MBOAT2: variants seen among roughly 807,000 people sequenced by gnomAD.
The protein encoded by MBOAT2 is membrane-bound glycerophospholipid O-acyltransferase 2.
MBOAT2 carries 28 observed loss-of-function variants against 63.4 expected under a neutral mutation model. That is an observed-to-expected ratio of 0.44 (90% CI 0.33 to 0.61). The LOEUF (loss-of-function observed/expected upper bound fraction) is 0.61, where lower values mean the gene tolerates loss of function less well. Ranked by LOEUF, MBOAT2 falls within the 20% of genes least tolerant of loss-of-function variation. MBOAT2 has a pLI of 0.03. For missense variants in MBOAT2, 470 were observed against 605.8 expected, an observed-to-expected ratio of 0.78 and a Z score of 2.35; for synonymous variants, 211 against 215.6, an observed-to-expected ratio of 0.98 and a Z score of 0.19.
Position 8,862,477 on chromosome 2 carries a change from C to A in MBOAT2, c.1185+113G>T. The A allele has an allele frequency of 7.1e-7, 1 of 1,408,826 alleles. No homozygotes were observed. 87.3% of individuals were successfully genotyped at this position (1,408,826 alleles called of 1,614,324 possible). A position where few individuals can be genotyped will look rare whatever the true frequency, so the allele number is the denominator to read the frequency against. On this transcript the variant is annotated intron_variant, in intron 11 of 12. Transcript: ENST00000305997. This position sits in a 1 kb window ranked among gnomAD's most constrained non-coding sequence, Gnocchi z 4.3. ...CACACCTCGCTTCTAGTGGAAAGGA[C>A]AATACTGACCACGACCAAGGAAAGA...
chr2:8,905,298 G>GGA (rs1048489780), intron 4 of MBOAT2, among the ~76,000 whole-genome samples: 5 of 151,866 alleles, frequency 3.3e-5, no homozygotes, highest in African/African-American at 1.2e-4. Context: ...TTCATTAAGG[G>GGA]GAGAGTCTGT....
chr2:8,878,351 A>C (rs535793817), intron 6 of MBOAT2, among the ~76,000 whole-genome samples: 1 of 152,240 alleles, frequency 6.6e-6, no homozygotes, highest in South Asian at 2.1e-4. Context: ...CCTACTGTCC[A>C]CTGTTAATGA....
intron 1 of MBOAT2, among the ~76,000 whole-genome samples, chr2:8,964,166 C>T (rs368827489): frequency 6.6e-6 from 1 of 152,196 alleles, no homozygotes; most frequent in African/African-American, 2.4e-5. Flanking sequence ...CTATTCCTTC[C>T]ACCCCTCCCA....
chr2:8,943,280 G>A lies in MBOAT2; in HGVS notation c.222-16C>T. On this transcript the variant is annotated splice_polypyrimidine_tract_variant and intron_variant, in intron 2 of 12. Transcript: ENST00000305997. ...TAAGGCATACCTATAAAAAGTAAGA[G>A]CACTATTAGAAGAGGGATGCCAAGT... is the stretch of plus-strand genomic sequence containing the variant. The A allele has an allele frequency of 6.6e-7, 1 of 1,505,098 alleles. No individual in the cohort carries two copies. The highest frequency in any genetic ancestry group is 1.3e-5 in the South Asian group (1 of 77,828). The allele number at this position is 1,505,098 out of a possible 1,614,324, so 93.2% of individuals were successfully genotyped here.
intron 3 of MBOAT2, among the ~76,000 whole-genome samples, chr2:8,912,305 AAG>A (rs1347081838): frequency 2.3e-5 from 2 of 88,196 alleles, no homozygotes; most frequent in Admixed American, 2.5e-4. Flanking sequence ...AAAGAAAAGA[AAG>A]AAAGAAAGAA....
rs763623465 is a variant in MBOAT2, at chr2:8,960,094, TG to T, written c.76-1453del. Among the ~76,000 whole-genome samples, 12 of 152,294 alleles carry T rather than the reference TG, an allele frequency of 7.9e-5. No homozygotes were observed. The East Asian group carries it at 1.9e-3, about 24-fold the overall frequency. ...TAAAACAGACTCAATAAAAGCAAAA[TG>T]TCTTTCCAAAAGGTTCTAATACTTC... On this transcript the variant is annotated intron_variant, in intron 1 of 12. Coordinates refer to ENST00000305997, the MANE Select transcript of MBOAT2 (RefSeq NM_138799.4).
intron 1 of MBOAT2, among the ~76,000 whole-genome samples, chr2:8,984,690 C>A (rs1671436159): frequency 6.6e-6 from 1 of 152,092 alleles, no homozygotes; most frequent in African/African-American, 2.4e-5. Flanking sequence ...AGAGAAAAAA[C>A]CATAAATTCT....
At position 9,000,962 on chromosome 2, in the gene MBOAT2, T is replaced by C. The variant is rs762689690; in HGVS notation, c.75+2578A>G. Among the ~76,000 whole-genome samples, 90 of 152,212 alleles carry C rather than the reference T, an allele frequency of 5.9e-4. 1 individual carries two copies. The highest frequency in any genetic ancestry group is 1.1e-3 in the Non-Finnish European group (72 of 68,038). On this transcript the variant is annotated intron_variant, in intron 1 of 12. Transcript: ENST00000305997. ...TATCCTTATTCTATCGGCTTTTTTC[T>C]ATTAAAATTTTTTTAATTTAAAAAA...
At chr2:8,923,063 G>A (rs1423600880) in intron 3 of MBOAT2, among the ~76,000 whole-genome samples, 1 of 152,168 alleles carries the variant, frequency 6.6e-6, no homozygotes, top group Admixed American at 6.5e-5. Flanking sequence ...CTTGTGCAGG[G>A]GTTATAATAG....
intron 4 of MBOAT2, among the ~76,000 whole-genome samples, chr2:8,905,472 C>T (rs903482582): frequency 2.0e-5 from 3 of 152,068 alleles, no homozygotes; most frequent in Non-Finnish European, 4.4e-5. Context: ...TACTATGCAG[C>T]CATAAAAAAG....
intron 1 of MBOAT2, among the ~76,000 whole-genome samples, chr2:8,962,928 T>C (rs1669715420): frequency 6.6e-6 from 1 of 151,912 alleles, no homozygotes; most frequent in Non-Finnish European, 1.5e-5. Flanking sequence ...TAAACGCCAG[T>C]AGGAGAAAGA....
At chr2:8,875,288 T>C (rs1371023024) in intron 7 of MBOAT2, among the ~76,000 whole-genome samples, 2 of 152,152 alleles carry the variant, frequency 1.3e-5, no homozygotes, top group South Asian at 4.1e-4. Context: ...AAATATATTA[T>C]TAAAATGGTG....
chr2:8,946,659 A>G (rs1668434772), intron 2 of MBOAT2, among the ~76,000 whole-genome samples: 1 of 152,134 alleles, frequency 6.6e-6, no homozygotes, highest in Non-Finnish European at 1.5e-5. Flanking sequence ...AACTTTTTCA[A>G]TATTATTTTA....
intron 12 of MBOAT2, among the ~76,000 whole-genome samples, chr2:8,859,873 G>T (rs748135435): frequency 2.0e-5 from 3 of 152,084 alleles, no homozygotes; most frequent in Non-Finnish European, 2.9e-5. Flanking sequence ...CAGTGAAAAG[G>T]AACAAATAAA....
Position 8,855,281 on chromosome 2 carries a change from T to G in MBOAT2, c.*3398A>C, listed in dbSNP as rs1170476238. 2 of 152,216 alleles carry G rather than the reference T, an allele frequency of 1.3e-5. No individual in the cohort carries two copies. The highest frequency in any genetic ancestry group is 2.9e-5 in the Non-Finnish European group (2 of 68,050). 9.4% of individuals were successfully genotyped at this position (152,216 alleles called of 1,614,324 possible). On this transcript the variant is annotated 3_prime_UTR_variant, in exon 13 of 13. Coordinates refer to ENST00000305997, the MANE Select transcript of MBOAT2 (RefSeq NM_138799.4). ...CCCAACTGGTCCTGAACTCTTAGGATTAACCCGTTTGCTTATGGCTGAGGA... is the reference window on the plus strand; with the variant it reads ...CCCAACTGGTCCTGAACTCTTAGGAGTAACCCGTTTGCTTATGGCTGAGGA...
chr2:8,905,701 T>C (rs940869625), intron 4 of MBOAT2, among the ~76,000 whole-genome samples: 29 of 152,264 alleles, frequency 1.9e-4, no homozygotes, highest in Admixed American at 1.6e-3. Flanking sequence ...AAATACCTAA[T>C]GTAAATGACA....
At chr2:8,863,219 C>A (rs972390574) in intron 10 of MBOAT2, among the ~76,000 whole-genome samples, 1 of 152,108 alleles carries the variant, frequency 6.6e-6, no homozygotes, top group African/African-American at 2.4e-5. Flanking sequence ...AAAAATAACA[C>A]AACAGATTAG....
In MBOAT2 at chr2:8,862,556, C is replaced by A. The variant is rs1661570716; in HGVS notation, c.1185+34G>T. On this transcript the variant is annotated intron_variant, in intron 11 of 12. Coordinates refer to ENST00000305997, the MANE Select transcript of MBOAT2 (RefSeq NM_138799.4). The surrounding 1 kb of genome is among the most constrained non-coding windows in gnomAD (Gnocchi z 4.3). ...AGCCTTTTTAACAGTTCAAGTGGAC[C>A]ATTGAATTGTAAAATAAAATTCTTG... 1 of 1,593,474 alleles carries A rather than the reference C, an allele frequency of 6.3e-7. No homozygotes were observed. The highest frequency in any genetic ancestry group is 8.5e-7 in the Non-Finnish European group (1 of 1,170,758).
rs537152539 is a variant in MBOAT2 at position 8,929,880 on chromosome 2, C to T, written c.299+13307G>A. ...GGTCCTGGATGAATAATATTGAACA[C>T]ATATGCTTAAAATATTCCTAACATC... On this transcript the variant is annotated intron_variant, in intron 3 of 12. Transcript: ENST00000305997. Among the ~76,000 whole-genome samples the T allele has an allele frequency of 2.0e-5, 3 of 152,320 alleles. No homozygotes were observed. In the South Asian group the frequency reaches 6.2e-4, roughly 32 times the overall value.
Sources: allele counts gnomAD v4.1 joint callset (sites outside exome capture counted in the v4.1 genomes callset), GRCh38; gene constraint gnomAD v4.1.1; non-coding constraint Gnocchi (gnomAD v3.1); transcripts MANE v1.5; gene names NCBI Gene and HGNC (gene_info 2026-07-23, HGNC 2026-07-21).